TTBK2: variants seen among roughly 807,000 people sequenced by gnomAD.
The protein encoded by TTBK2 is tau-tubulin kinase 2.
In TTBK2, 28 loss-of-function variants were observed where a neutral mutation model predicts 110.8. The observed-to-expected ratio is 0.25, with a 90% confidence interval of 0.19 to 0.35. The LOEUF (loss-of-function observed/expected upper bound fraction) is 0.35. Among genes scored for constraint, TTBK2 ranks in the 10% least tolerant of loss-of-function variants. TTBK2 has a pLI of 1.00. For missense variants in TTBK2, 1,369 were observed against 1,500.3 expected, an observed-to-expected ratio of 0.91 and a Z score of 1.45; for synonymous variants, 532 against 527.3, an observed-to-expected ratio of 1.01 and a Z score of -0.12.
At chr15:42,910,204 A>C (rs2030665308) in intron 1 of TTBK2, among the ~76,000 whole-genome samples, 1 of 152,194 alleles carries the variant, frequency 6.6e-6, no homozygotes, top group Admixed American at 6.5e-5. Flanking sequence ...CCAGACATAG[A>C]ATAGATTAGG....
At chr15:42,798,171 A>T (rs1567029739) in intron 9 of TTBK2, 2 of 455,676 alleles carry the variant, frequency 4.4e-6, no homozygotes, top group Non-Finnish European at 8.8e-6. Context: ...GGCATGAGAC[A>T]CCATGCCCAG....
chr15:42,791,939 C>T (rs966670904), intron 10 of TTBK2, among the ~76,000 whole-genome samples: 2 of 152,062 alleles, frequency 1.3e-5, no homozygotes, highest in Non-Finnish European at 2.9e-5. Flanking sequence ...GTCAGGATTT[C>T]GAGGCCAGCC....
Position 42,746,087 on chromosome 15 carries a change from C to T in TTBK2, c.3443G>A (p.Arg1148His), listed in dbSNP as rs199594294. The T allele has an allele frequency of 3.5e-5, 56 of 1,613,886 alleles. No homozygotes were observed. Among genetic ancestry groups the T allele is most frequent in the Admixed American group, 1.5e-4 (9 of 59,984 alleles). ...KTPPKSPVVPRRSPSASPRSS... is the reference protein window; with the variant it reads ...KTPPKSPVVPHRSPSASPRSS... ...TCGAGGAGAGGCACTGGGACTCCTG[C>T]GAGGGACAACTGGACTCTTGGGTGG... Residue 1148 changes from arginine to histidine, a missense_variant, in exon 15 of 15, where the codon CGC (arginine) becomes CAC (histidine). Physicochemically the swap from Arg to His is conservative, Grantham distance 29 (BLOSUM62 0). This residue lies in a region of TTBK2 where 1,097 missense variants were observed against 1,114.7 expected (regional missense o/e 0.98). Coordinates refer to ENST00000267890, the MANE Select transcript of TTBK2 (RefSeq NM_173500.4).
Position 42,840,428 on chromosome 15 carries a change from C to A in TTBK2, c.223G>T (p.Asp75Tyr). Residue 75 changes from aspartate to tyrosine, a missense_variant, in exon 4 of 15, where the codon GAC becomes TAC. Coordinates refer to ENST00000267890, the MANE Select transcript of TTBK2 (RefSeq NM_173500.4). ...VAVLKKLQGKDHVCRFIGCGR... is the reference protein window; with the variant it reads ...VAVLKKLQGKYHVCRFIGCGR... ...CAGCCAATAAATCTACAAACATGGT[C>A]TTTCCCTGGATAAAAAAAGAAAACA... 2 of 1,613,814 alleles carry A rather than the reference C, an allele frequency of 1.2e-6. No individual in the cohort carries two copies. The highest frequency in any genetic ancestry group is 1.7e-5 in the Admixed American group (1 of 60,016).
chr15:42,777,861 T>TA (rs1890000190), intron 11 of TTBK2, among the ~76,000 whole-genome samples: 1 of 152,132 alleles, frequency 6.6e-6, no homozygotes, highest in Admixed American at 6.5e-5. Context: ...CTGGGACATC[T>TA]ACTCTGATTA....
intron 3 of TTBK2, among the ~76,000 whole-genome samples, chr15:42,845,145 T>C (rs1301087952): frequency 6.6e-6 from 1 of 152,082 alleles, no homozygotes; most frequent in Non-Finnish European, 1.5e-5. Flanking sequence ...ACCCACAAAG[T>C]CATAAAGGAT....
chr15:42,907,766 T>C (rs1313228007), intron 1 of TTBK2, among the ~76,000 whole-genome samples: 1 of 152,032 alleles, frequency 6.6e-6, no homozygotes, highest in Admixed American at 6.6e-5. Context: ...TATTTGCACG[T>C]TTTACCTCAA....
chr15:42,776,918 TTTC>T, intron 12 of TTBK2, 110 bp downstream of exon 12: 1 of 1,170,234 alleles, frequency 8.5e-7, no homozygotes, highest in Non-Finnish European at 1.2e-6. Context: ...AATGCAAGGA[TTTC>T]TTATTTGAAA....
intron 1 of TTBK2, among the ~76,000 whole-genome samples, chr15:42,902,021 T>C (rs1174991812): frequency 6.7e-6 from 1 of 148,480 alleles, no homozygotes; most frequent in Non-Finnish European, 1.5e-5. Flanking sequence ...TTCGAGACCA[T>C]CCTGGCCAAC....
intron 13 of TTBK2, among the ~76,000 whole-genome samples, chr15:42,760,402 A>C (rs1441406197): frequency 1.4e-5 from 2 of 144,752 alleles, no homozygotes; most frequent in Admixed American, 6.7e-5. Flanking sequence ...AAAAAAAAAA[A>C]ACAAAAAAAG....
rs1242554360 is a variant in TTBK2, at chr15:42,742,978, CTTGCTCAGGGCTGCCAACTTCTATTT to C, written c.*2791_*2816del. ...AATAAAAATCCCTGTGTCACAGGTGCTTGCTCAGGGCTGCCAACTTCTATTTTTCACCTGAGAGACATCTAAAAGCG... is the reference window on the plus strand; with the variant it reads ...AATAAAAATCCCTGTGTCACAGGTGCTTCACCTGAGAGACATCTAAAAGCG... On this transcript the variant is annotated 3_prime_UTR_variant, in exon 15 of 15. Coordinates refer to ENST00000267890, the MANE Select transcript of TTBK2 (RefSeq NM_173500.4). 1 of 152,142 alleles carries C rather than the reference CTTGCTCAGGGCTGCCAACTTCTATTT, an allele frequency of 6.6e-6. No individual in the cohort carries two copies. The highest frequency in any genetic ancestry group is 1.5e-5 in the Non-Finnish European group (1 of 68,024). 9.4% of individuals were successfully genotyped at this position (152,142 alleles called of 1,614,324 possible).
At chr15:42,884,700 C>G (rs1278767727) in intron 1 of TTBK2, among the ~76,000 whole-genome samples, 3 of 152,146 alleles carry the variant, frequency 2.0e-5, no homozygotes, top group African/African-American at 7.2e-5. Flanking sequence ...TTTAATCAAT[C>G]AGGCCTTAAT....
intron 4 of TTBK2, among the ~76,000 whole-genome samples, chr15:42,838,123 G>A (rs1258091023): frequency 6.6e-6 from 1 of 151,706 alleles, no homozygotes; most frequent in Non-Finnish European, 1.5e-5. Context: ...CAGGAGAATC[G>A]CTTGAACCCG....
At chr15:42,806,576 T>C (rs78680538) in intron 9 of TTBK2, among the ~76,000 whole-genome samples, 3 of 152,340 alleles carry the variant, frequency 2.0e-5, no homozygotes, top group East Asian at 3.9e-4. Flanking sequence ...CCTTATTTAT[T>C]GTCTGACCAT....
intron 1 of TTBK2, among the ~76,000 whole-genome samples, chr15:42,879,068 GC>G (rs1439907966): frequency 1.3e-5 from 2 of 152,152 alleles, no homozygotes; most frequent in Non-Finnish European, 2.9e-5. Context: ...GTAACTTAGA[GC>G]TTAATATCAT....
At chr15:42,788,423 G>A (rs1420702779) in intron 10 of TTBK2, among the ~76,000 whole-genome samples, 1 of 152,054 alleles carries the variant, frequency 6.6e-6, no homozygotes, top group Non-Finnish European at 1.5e-5. Context: ...CTACGATCAC[G>A]CTGTTTAAGT....
Position 42,810,787 on chromosome 15 carries a change from T to C in TTBK2, c.697-48A>G, listed in dbSNP as rs763273832. ...GCTACAGTCAATTTCTCTTGGTGGT[T>C]AGGCATTAAGAGCCCCTCAGTAACC... On this transcript the variant is annotated intron_variant, in intron 8 of 14. Transcript: ENST00000267890. 3.1e-6 allele frequency: 5 copies of C among 1,610,054 alleles called. No individual in the cohort carries two copies. The Admixed American group carries it at 6.7e-5, about 21-fold the overall frequency.
intron 9 of TTBK2, among the ~76,000 whole-genome samples, chr15:42,810,212 T>C (rs891727356): frequency 6.6e-6 from 1 of 152,176 alleles, no homozygotes; most frequent in Non-Finnish European, 1.5e-5. Context: ...CGCTGTCCCA[T>C]AGCATATTAA....
At chr15:42,806,926 ACACCCCTGGG>A (rs1457956079) in intron 9 of TTBK2, among the ~76,000 whole-genome samples, 1 of 151,874 alleles carries the variant, frequency 6.6e-6, no homozygotes, top group Non-Finnish European at 1.5e-5. Flanking sequence ...AAAAGATTGG[ACACCCCTGGG>A]CCTTACATGG....
Sources: gnomAD v4.1 joint callset for allele counts (sites outside exome capture counted in the v4.1 genomes callset) on GRCh38, gnomAD v4.1.1 for gene constraint, gnomAD v4.1.1 regional missense constraint, MANE v1.5 for transcripts, NCBI Gene and HGNC (gene_info 2026-07-23, HGNC 2026-07-21) for gene names.